The following TICRR variants were observed in gnomAD, a reference collection of about 807,000 sequenced individuals.
The protein encoded by TICRR is treslin.
TICRR carries 132 observed loss-of-function variants against 178.1 expected under a neutral mutation model. That is an observed-to-expected ratio of 0.74 (90% confidence interval 0.64 to 0.86). The LOEUF (loss-of-function observed/expected upper bound fraction) is 0.86, where lower values mean the gene tolerates loss of function less well. Among genes scored for constraint, TICRR ranks in the 40% least tolerant of loss-of-function variants. TICRR has a pLI of 0.00. For synonymous variants in TICRR, 991 were observed against 900.7 expected, an observed-to-expected ratio of 1.10 and a Z score of -1.79; for missense variants, 2,587 against 2,334.3, an observed-to-expected ratio of 1.11 and a Z score of -2.23.
At chr15:89,588,338 G>T (rs140880237) in intron 4 of TICRR, among the ~76,000 whole-genome samples, 1 of 152,320 alleles carries the variant, frequency 6.6e-6, no homozygotes, top group African/African-American at 2.4e-5. Context: ...ACATTCACCA[G>T]CTGGCACAGC....
chr15:89,625,883 C>T (rs1300938352), intron 20 of TICRR, 53 bp from the exon 21 acceptor site: 3 of 1,542,942 alleles, frequency 1.9e-6, no homozygotes, highest in Non-Finnish European at 2.6e-6. Flanking sequence ...GAGGCCTGGG[C>T]TTCCCGGTTG....
chr15:89,609,764 G>C, intron 15 of TICRR, among the ~76,000 whole-genome samples: 1 of 151,710 alleles, frequency 6.6e-6, no homozygotes, highest in Admixed American at 6.6e-5. Flanking sequence ...GAGCTACCGC[G>C]TCTGGCCTCT....
At chr15:89,589,014 C>T (rs893992244) in intron 4 of TICRR, among the ~76,000 whole-genome samples, 13 of 152,018 alleles carry the variant, frequency 8.6e-5, no homozygotes, top group South Asian at 2.1e-4. Flanking sequence ...CTCTCTCCAG[C>T]GCTGCAGGGG....
chr15:89,621,105 C>T (rs1471154113), intron 18 of TICRR, among the ~76,000 whole-genome samples: 1 of 149,430 alleles, frequency 6.7e-6, no homozygotes, highest in African/African-American at 2.5e-5. Context: ...CTGCAACCTC[C>T]ACCTCCTGGG....
At chr15:89,618,377 T>C (rs1247112118) in intron 17 of TICRR, among the ~76,000 whole-genome samples, 167 bp downstream of exon 17, 1 of 152,224 alleles carries the variant, frequency 6.6e-6, no homozygotes, top group African/African-American at 2.4e-5. Flanking sequence ...TTCTTCTGCA[T>C]AGAAGGTACT....
chr15:89,621,738 C>A (rs1057470072), intron 19 of TICRR, among the ~76,000 whole-genome samples, 188 bp downstream of exon 19: 1 of 152,132 alleles, frequency 6.6e-6, no homozygotes, highest in African/African-American at 2.4e-5. Context: ...GCAGGTTTGA[C>A]TGAAGCCACG....
At position 89,601,448 on chromosome 15, in the gene TICRR, C is replaced by T. The variant is rs186404899; in HGVS notation, c.2248-41C>T. ...GCCCTAGATGCTTTCAGCTTCCCTG[C>T]AGAGGGCATCTATATAGTAACGTTC... is the stretch of plus-strand genomic sequence containing the variant. On this transcript the variant is annotated intron_variant, in intron 10 of 21. Transcript: ENST00000268138. 1.2e-5 allele frequency: 19 copies of T among 1,612,172 alleles called. No homozygotes were observed. In the African/African-American group the frequency reaches 2.0e-4, roughly 17 times the overall value.
At chr15:89,595,094 T>TG (rs1188074489) in intron 6 of TICRR, among the ~76,000 whole-genome samples, 2 of 152,204 alleles carry the variant, frequency 1.3e-5, no homozygotes, top group African/African-American at 4.8e-5. Flanking sequence ...TCGTGGCCAT[T>TG]GGGTAACACC....
chr15:89,580,891 G>A (rs1314089797), intron 1 of TICRR, among the ~76,000 whole-genome samples: 5 of 152,148 alleles, frequency 3.3e-5, no homozygotes, highest in African/African-American at 1.2e-4. Context: ...AGTTAGCCAG[G>A]TGTGGTGGCA....
At chr15:89,594,951 T>A (rs560190117) in intron 6 of TICRR, among the ~76,000 whole-genome samples, 10 of 152,334 alleles carry the variant, frequency 6.6e-5, no homozygotes, top group African/African-American at 2.4e-4. Flanking sequence ...TAGTATACAT[T>A]ATGCGTATAA....
intron 13 of TICRR, among the ~76,000 whole-genome samples, chr15:89,604,088 C>T (rs1463429114): frequency 2.0e-5 from 3 of 151,750 alleles, no homozygotes; most frequent in East Asian, 1.9e-4. Context: ...ATTAATGTCT[C>T]GCTGAGGAAA....
At chr15:89,615,838 A>G (rs568633986) in intron 15 of TICRR, among the ~76,000 whole-genome samples, 5 of 151,970 alleles carry the variant, frequency 3.3e-5, no homozygotes, top group African/African-American at 7.2e-5. Context: ...CAAGTGAGCA[A>G]TTTTCATTTT....
rs1366095979 is a variant in TICRR, at chr15:89,585,847, C to G, written c.1316C>G (p.Ala439Gly). Reference sequence around the variant, plus strand: ...CGACATGTTCTCCAAACAGCTGTGGCTGACAGCCCCCGGGACACAGCTTCC... The same window carrying G: ...CGACATGTTCTCCAAACAGCTGTGGGTGACAGCCCCCGGGACACAGCTTCC... Reference protein sequence around the residue: ...FQRHVLQTAVADSPRDTASLF... With the variant: ...FQRHVLQTAVGDSPRDTASLF... The change falls in exon 4 of 22, where the codon GCT (alanine) becomes GGT (glycine). Residue 439 changes from alanine to glycine, a missense_variant. Coordinates refer to ENST00000268138, the MANE Select transcript of TICRR (RefSeq NM_152259.4). 2.5e-6 allele frequency: 4 copies of G among 1,614,026 alleles called. No individual in the cohort carries two copies. The highest frequency in any genetic ancestry group is 1.7e-5 in the Admixed American group (1 of 59,992).
chr15:89,599,382 G>A lies in TICRR; in HGVS notation c.1959G>A (p.Val653=). 1 of 1,613,572 alleles carries A rather than the reference G, an allele frequency of 6.2e-7. No individual in the cohort carries two copies. Among genetic ancestry groups the A allele is most frequent in the Non-Finnish European group, 8.5e-7 (1 of 1,179,764 alleles). ...TACGTGAAAATTACCAAAAGACTGTGGCCACAGGAGAAATCATGTTGTATG... is the reference window on the plus strand; with the variant it reads ...TACGTGAAAATTACCAAAAGACTGTAGCCACAGGAGAAATCATGTTGTATG... ...SYIRENYQKT[V]ATGEIMLYAC... is the part of the protein sequence containing the mutation. Residue 653 remains valine, a synonymous_variant, in exon 8 of 22, where the codon GTG becomes GTA. Coordinates refer to ENST00000268138, the MANE Select transcript of TICRR (RefSeq NM_152259.4).
chr15:89,576,068 C>T lies in TICRR; in HGVS notation c.482C>T (p.Pro161Leu), dbSNP rs1349634149. The T allele has an allele frequency of 1.1e-5, 18 of 1,611,888 alleles. No individual in the cohort carries two copies. In the South Asian group the frequency reaches 1.9e-4, roughly 17 times the overall value. The change falls in exon 1 of 22, where the codon CCG becomes CTG. Residue 161 changes from proline (P) to leucine (L), a missense_variant. Transcript: ENST00000268138. ...GCCGTCTTCCTCCTGGCCCCCTGTC[C>T]GCACTCGCAGAGGGAGCTGCTGCAG... ...VNAVFLLAPC[P>L]HSQRELLQFV... is the part of the protein sequence containing the mutation.
At chr15:89,609,067 C>CAGTCT (rs1306514779) in intron 15 of TICRR, 118 bp downstream of exon 15, 51 of 570,504 alleles carry the variant, frequency 8.9e-5, no homozygotes, top group Non-Finnish European at 1.1e-4. Flanking sequence ...TTTTTTCCTT[C>CAGTCT]AGTCTAGCTA....
At chr15:89,626,289 C>T (rs755274261) in intron 21 of TICRR, among the ~76,000 whole-genome samples, 6 of 152,222 alleles carry the variant, frequency 3.9e-5, no homozygotes, top group Non-Finnish European at 8.8e-5. Flanking sequence ...CTCGGTCCTC[C>T]TGAAAATGTT....
Position 89,624,541 on chromosome 15 carries a change from G to C in TICRR, c.4231G>C (p.Ala1411Pro). ...CTCCGCTACTCCTGGGGTTGGCACA[G>C]CTGACAGCCCAGCTGCCCCCACAGA... Reference protein sequence around the residue: ...DASATPGVGTADSPAAPTDSR... With the variant: ...DASATPGVGTPDSPAAPTDSR... Residue 1411 changes from alanine to proline, a missense_variant, in exon 20 of 22, where the codon GCT (alanine) becomes CCT (proline). Transcript: ENST00000268138. 8 of 1,613,810 alleles carry C rather than the reference G, an allele frequency of 5.0e-6. No homozygotes were observed. Among genetic ancestry groups the C allele is most frequent in the Non-Finnish European group, 6.8e-6 (8 of 1,179,872 alleles).
rs765029357 is a variant in TICRR, at chr15:89,624,354, C to T, written c.4044C>T (p.Ser1348=). The part of the protein sequence containing the change: ...LDQKEPQMSP[S]VAASLSCPVP... ...AGAAAGAGCCCCAGATGTCACCCAG[C>T]GTAGCTGCATCTCTCTCCTGCCCTG... The change falls in exon 20 of 22, where the codon AGC becomes AGT. Residue 1348 remains serine (S), a synonymous_variant. Transcript: ENST00000268138. The T allele has an allele frequency of 1.1e-5, 18 of 1,614,130 alleles. No homozygotes were observed. Among genetic ancestry groups the T allele is most frequent in the Non-Finnish European group, 1.5e-5 (18 of 1,179,994 alleles).
Sources: gnomAD v4.1 joint callset for allele counts (sites outside exome capture counted in the v4.1 genomes callset) on GRCh38, gnomAD v4.1.1 for gene constraint, MANE v1.5 for transcripts, NCBI Gene and HGNC (gene_info 2026-07-23, HGNC 2026-07-21) for gene names.